The following ENTPD5 variants were observed in gnomAD, a reference collection of about 807,000 sequenced individuals.
ENTPD5 encodes the protein nucleoside diphosphate phosphatase ENTPD5.
In ENTPD5, 49 loss-of-function variants were observed where a neutral mutation model predicts 60.2. That is an observed-to-expected ratio of 0.81 (90% CI 0.65 to 1.03). The LOEUF (loss-of-function observed/expected upper bound fraction) is 1.03. Ranked by LOEUF, ENTPD5 falls within the 50% of genes least tolerant of loss-of-function variation. The pLI, the probability that ENTPD5 is intolerant of heterozygous loss-of-function variation, is 0.00. For synonymous variants in ENTPD5, 187 were observed against 185.4 expected, an observed-to-expected ratio of 1.01 and a Z score of -0.07; for missense variants, 480 against 507.6, an observed-to-expected ratio of 0.95 and a Z score of 0.52.
intron 3 of ENTPD5, among the ~76,000 whole-genome samples, chr14:73,989,541 T>C (rs979201601): frequency 3.7e-5 from 4 of 108,062 alleles, no homozygotes; most frequent in Non-Finnish European, 7.6e-5. Context: ...CTACTAAAAA[T>C]ACAAAAATTA....
intron 3 of ENTPD5, 143 bp from the exon 4 acceptor site, chr14:73,988,315 C>T: frequency 1.5e-6 from 1 of 648,498 alleles, no homozygotes; most frequent in Non-Finnish European, 2.4e-6. Flanking sequence ...GTGATGTGGG[C>T]TCTTAGCACC....
At chr14:73,974,549 C>T (rs988408856) in intron 11 of ENTPD5, among the ~76,000 whole-genome samples, 2 of 152,176 alleles carry the variant, frequency 1.3e-5, no homozygotes, top group African/African-American at 4.8e-5. Context: ...AATGGAGTTA[C>T]TCTGTTGTTC....
chr14:73,984,847 C>T (rs896407944), intron 5 of ENTPD5, among the ~76,000 whole-genome samples: 1 of 152,092 alleles, frequency 6.6e-6, no homozygotes. Flanking sequence ...GGGCTGCACC[C>T]ATTAACTCAT....
downstream of ENTPD5, chr14:73,959,576 GT>G: frequency 6.2e-7 from 1 of 1,613,182 alleles, no homozygotes; most frequent in South Asian, 1.1e-5. Flanking sequence ...ATACAGAAAG[GT>G]GTTGTTTTTT....
rs1192106970 is a variant in ENTPD5 at position 73,965,781 on chromosome 14, C to G, written c.*1147G>C. The G allele has an allele frequency of 1.3e-5, 2 of 152,190 alleles. No homozygotes were observed. Among genetic ancestry groups the G allele is most frequent in the Admixed American group, 6.5e-5 (1 of 15,278 alleles). The allele number at this position is 152,190 out of a possible 1,614,324, so 9.4% of individuals were successfully genotyped here. A position where few individuals can be genotyped will look rare whatever the true frequency, so the allele number is the denominator to read the frequency against. On this transcript the variant is annotated 3_prime_UTR_variant, in exon 16 of 16. Coordinates refer to ENST00000334696, the MANE Select transcript of ENTPD5 (RefSeq NM_001249.5). ...AATTCACAGTCAAGAGCTCTGAGCA[C>G]TTGGATTCAAAAAGAGAGCATGAGG...
At position 74,014,953 on chromosome 14, in the gene ENTPD5, G is replaced by T. The variant is rs142698536; in HGVS notation, c.-131+871C>A. On this transcript the variant is annotated intron_variant, in intron 2 of 15. Transcript: ENST00000334696. ...AAAAATTAGCCGGGCATGGTGGCAG[G>T]CATCTGTAATCCCAGCTACTCGGGA... is the stretch of plus-strand genomic sequence containing the variant. Among the ~76,000 whole-genome samples the T allele has an allele frequency of 7.2e-5, 11 of 152,050 alleles. No homozygotes were observed. In the East Asian group the frequency reaches 2.1e-3, roughly 29 times the overall value.
chr14:73,981,122 A>G (rs1332283079), intron 6 of ENTPD5, among the ~76,000 whole-genome samples: 1 of 151,788 alleles, frequency 6.6e-6, no homozygotes, highest in East Asian at 1.9e-4. Context: ...AAATAAATAA[A>G]TAAATAAGAA....
intron 3 of ENTPD5, among the ~76,000 whole-genome samples, chr14:73,991,181 T>G (rs2058112582): frequency 6.6e-6 from 1 of 152,184 alleles, no homozygotes. Context: ...AAGTGCTTTT[T>G]GTTTTGGTGA....
downstream of ENTPD5, chr14:73,959,290 C>T (rs747528224): frequency 3.1e-6 from 5 of 1,614,026 alleles, no homozygotes; most frequent in African/African-American, 2.7e-5. Flanking sequence ...TTTCTCTCAG[C>T]CTTTTTCTGG....
At position 73,974,905 on chromosome 14, in the gene ENTPD5, C is replaced by G. The variant is rs778563570; in HGVS notation, c.784+19G>C. On this transcript the variant is annotated intron_variant, in intron 11 of 15. Transcript: ENST00000334696. Reference sequence around the variant, plus strand: ...TGTCACCCTCACCATCCCCCCCCAGCACAGGTACCCAGACAAACCTTCTGT... The same window carrying G: ...TGTCACCCTCACCATCCCCCCCCAGGACAGGTACCCAGACAAACCTTCTGT... 25 of 1,607,666 alleles carry G rather than the reference C, an allele frequency of 1.6e-5. No homozygotes were observed. The highest frequency in any genetic ancestry group is 2.0e-5 in the Non-Finnish European group (24 of 1,174,768).
intron 3 of ENTPD5, chr14:73,996,184 C>T (rs1268610970): frequency 1.0e-6 from 1 of 985,362 alleles, no homozygotes; most frequent in East Asian, 1.1e-4. Context: ...TGTTTCAGCT[C>T]TTCTTAATCA....
At chr14:73,995,097 G>T (rs1011545966) in intron 3 of ENTPD5, among the ~76,000 whole-genome samples, 1 of 149,244 alleles carries the variant, frequency 6.7e-6, no homozygotes, top group Admixed American at 6.7e-5. Flanking sequence ...CACCCAGGCT[G>T]GAGTGCAGTT....
At position 73,966,715 on chromosome 14, in the gene ENTPD5, T is replaced by G; in HGVS notation, c.*213A>C. 2 of 449,772 alleles carry G rather than the reference T, an allele frequency of 4.4e-6. 1 individual carries two copies. The highest frequency in any genetic ancestry group is 7.9e-6 in the Non-Finnish European group (2 of 253,436). The allele number at this position is 449,772 out of a possible 1,614,324, so 27.9% of individuals were successfully genotyped here. ...CCAAGGTTAAGTTCCAAAACTATAC[T>G]TTTTGGCTCACAGGGCTCTCTGTGA... is the stretch of plus-strand genomic sequence containing the variant. On this transcript the variant is annotated 3_prime_UTR_variant, in exon 16 of 16. Transcript: ENST00000334696.
At chr14:73,980,891 A>T (rs2057660118) in intron 6 of ENTPD5, among the ~76,000 whole-genome samples, 2 of 152,106 alleles carry the variant, frequency 1.3e-5, no homozygotes, top group African/African-American at 4.8e-5. Context: ...TTAGGTCAGG[A>T]GTTTGAGACC....
At chr14:73,973,426 T>C (rs1021140526) in intron 12 of ENTPD5, among the ~76,000 whole-genome samples, 16 of 152,362 alleles carry the variant, frequency 1.1e-4, no homozygotes, top group Admixed American at 9.1e-4. Context: ...AGTTTTACTA[T>C]AATTTAAATA....
intron 11 of ENTPD5, 75 bp downstream of exon 11, chr14:73,974,849 C>T: frequency 8.3e-7 from 1 of 1,200,616 alleles, no homozygotes; most frequent in Middle Eastern, 1.9e-4. Context: ...GAATGGCTAT[C>T]AAGGAAGGGA....
Position 73,976,365 on chromosome 14 carries a change from CT to C in ENTPD5, c.600del (p.Gly202GlufsTer46). 6.2e-7 allele frequency: 1 copy of C among 1,614,182 alleles called. No individual in the cohort carries two copies. Among genetic ancestry groups the C allele is most frequent in the Non-Finnish European group, 8.5e-7 (1 of 1,180,018 alleles). ...HRQETVGTLD[L>X]GGASTQITFL... is the part of the protein sequence containing the mutation. ...AACGTGATTTGGGTGGAGGCTCCCC[CT>C]AGGTCCAAGGTCCCCACAGTCTCCT... On this transcript the variant is annotated frameshift_variant, in exon 9 of 16. Transcript: ENST00000334696. LOFTEE classifies it high-confidence loss of function.
chr14:73,974,392 T>C (rs1234958601), intron 11 of ENTPD5, among the ~76,000 whole-genome samples: 1 of 152,214 alleles, frequency 6.6e-6, no homozygotes, highest in East Asian at 1.9e-4. Context: ...AAATGCAAAA[T>C]AGATGTCATC....
At chr14:74,012,991 G>A (rs1245117091) in intron 2 of ENTPD5, among the ~76,000 whole-genome samples, 2 of 152,170 alleles carry the variant, frequency 1.3e-5, no homozygotes. Context: ...TACCTTTTTA[G>A]AGTGTTTTGC....
Sources: gnomAD v4.1 joint callset for allele counts (sites outside exome capture counted in the v4.1 genomes callset) on GRCh38, gnomAD v4.1.1 for gene constraint, MANE v1.5 for transcripts, NCBI Gene and HGNC (gene_info 2026-07-23, HGNC 2026-07-21) for gene names.